Variants in RARB observed in about 807,000 individuals in gnomAD.
RARB encodes HBV-activated protein.
RARB carries 17 observed loss-of-function variants against 51.9 expected under a neutral mutation model. That is an observed-to-expected ratio of 0.33 (90% confidence interval 0.22 to 0.49). The LOEUF is 0.49. Among genes scored for constraint, RARB ranks in the 20% least tolerant of loss-of-function variants. The pLI is 0.99. For missense variants in RARB, 369 were observed against 550.8 expected, an observed-to-expected ratio of 0.67 and a Z score of 3.30; for synonymous variants, 215 against 195.4, an observed-to-expected ratio of 1.10 and a Z score of -0.84.
intron 3 of RARB, among the ~76,000 whole-genome samples, chr3:25,560,919 G>A (rs1700243676): frequency 1.3e-5 from 2 of 152,144 alleles, no homozygotes; most frequent in South Asian, 4.1e-4. Context: ...TAAACAAATT[G>A]GTATAGGGCT....
intron 1 of RARB, among the ~76,000 whole-genome samples, chr3:24,838,103 G>A (rs1402515901): frequency 1.3e-5 from 2 of 152,124 alleles, no homozygotes; most frequent in Non-Finnish European, 2.9e-5. Context: ...CTATTTCCTT[G>A]CTGGCTGTCC....
chr3:24,872,304 T>G (rs1702962528), intron 2 of RARB, among the ~76,000 whole-genome samples: 1 of 152,182 alleles, frequency 6.6e-6, no homozygotes, highest in Admixed American at 6.5e-5. Context: ...TGCCTTTGTT[T>G]CAGCTCTTCT....
chr3:25,187,131 A>AT (rs1389306944), intron 5 of RARB, among the ~76,000 whole-genome samples: 1 of 152,064 alleles, frequency 6.6e-6, no homozygotes, highest in Non-Finnish European at 1.5e-5. Context: ...AACCTCTCAA[A>AT]TGAGGGTCTT....
chr3:25,265,647 A>T (rs770997231), intron 5 of RARB, among the ~76,000 whole-genome samples: 3 of 151,924 alleles, frequency 2.0e-5, no homozygotes, highest in Non-Finnish European at 4.4e-5. Flanking sequence ...TAATTTTTGT[A>T]TTTTTGTAGA....
intron 3 of RARB, among the ~76,000 whole-genome samples, chr3:25,090,852 C>T (rs926481434): frequency 4.6e-5 from 7 of 152,112 alleles, no homozygotes; most frequent in African/African-American, 1.7e-4. Context: ...CAAACTCACA[C>T]TCCATTTTTC....
chr3:24,958,134 C>G (rs1032876473), intron 2 of RARB, among the ~76,000 whole-genome samples: 77 of 152,048 alleles, frequency 5.1e-4, no homozygotes, highest in African/African-American at 1.7e-3. Context: ...AGCCCTAGAT[C>G]AGCAGCTTTT....
chr3:25,461,174 T>C lies in RARB; in HGVS notation c.158-19T>C, dbSNP rs1695158512. 1.3e-6 allele frequency: 2 copies of C among 1,555,360 alleles called. No individual in the cohort carries two copies. Among genetic ancestry groups the C allele is most frequent in the African/African-American group, 2.8e-5 (2 of 72,352 alleles). ...ATACATTTTCTCTTTTTTCTCCCTC[T>C]ACCCCATCTCTATTATAGCAATTGA... On this transcript the variant is annotated intron_variant, in intron 1 of 7. Transcript: ENST00000330688.
At chr3:24,904,348 A>G (rs950126622) in intron 2 of RARB, among the ~76,000 whole-genome samples, 2 of 152,196 alleles carry the variant, frequency 1.3e-5, no homozygotes, top group African/African-American at 4.8e-5. Flanking sequence ...AAAAGTAGCC[A>G]AAGGATATGA....
chr3:25,272,228 C>G (rs548894131), intron 5 of RARB, among the ~76,000 whole-genome samples: 12 of 152,298 alleles, frequency 7.9e-5, no homozygotes, highest in Middle Eastern at 3.4e-3. Context: ...CGGTTGTGTA[C>G]TGTGCTGGCC....
chr3:25,471,805 C>T (rs1169258041), intron 2 of RARB, among the ~76,000 whole-genome samples: 2 of 152,160 alleles, frequency 1.3e-5, no homozygotes, highest in East Asian at 3.8e-4. Context: ...CAATTATCCT[C>T]TTTGTTTCTC....
chr3:25,547,532 T>C (rs564180326), intron 3 of RARB, among the ~76,000 whole-genome samples: 46 of 152,314 alleles, frequency 3.0e-4, no homozygotes, highest in African/African-American at 1.1e-3. Context: ...TGGGCGGTCA[T>C]TGCTTTTCTG....
chr3:25,004,485 C>A (rs541687972), intron 2 of RARB, among the ~76,000 whole-genome samples: 2 of 152,216 alleles, frequency 1.3e-5, no homozygotes, highest in East Asian at 3.9e-4. Flanking sequence ...ACAGCAAGGG[C>A]TGAACTTGCC....
At chr3:25,086,685 C>G (rs1699111397) in intron 3 of RARB, among the ~76,000 whole-genome samples, 1 of 151,948 alleles carries the variant, frequency 6.6e-6, no homozygotes, top group Admixed American at 6.6e-5. Context: ...GGTGGGACAA[C>G]TCAGGGTTGG....
Position 25,332,213 on chromosome 3 carries a change from A to T in RARB, c.179-128980A>T, listed in dbSNP as rs550137324. 3.3e-5 allele frequency among the ~76,000 whole-genome samples: 5 copies of T among 152,278 alleles called. No homozygotes were observed. The South Asian group carries it at 1.0e-3, about 32-fold the overall frequency. ...ATCCTGATACCAAAGCATGGCAGAG[A>T]CACAACAAAAAAAGAGAATTGTAGA... On this transcript the variant is annotated intron_variant, in intron 5 of 11. Coordinates refer to the RARB transcript ENST00000383772.
chr3:24,908,967 T>C (rs1694932053), intron 2 of RARB, among the ~76,000 whole-genome samples: 1 of 152,190 alleles, frequency 6.6e-6, no homozygotes, highest in African/African-American at 2.4e-5. Flanking sequence ...GATATGTCAA[T>C]TTGCTGAAGA....
At chr3:24,835,067 CAA>C (rs927310528) in intron 1 of RARB, among the ~76,000 whole-genome samples, 4 of 152,072 alleles carry the variant, frequency 2.6e-5, no homozygotes, top group African/African-American at 9.7e-5. Flanking sequence ...CTTATATAAG[CAA>C]AAACAAACAA....
chr3:24,872,888 G>A (rs1037169733), intron 2 of RARB, among the ~76,000 whole-genome samples: 9 of 152,024 alleles, frequency 5.9e-5, no homozygotes, highest in Non-Finnish European at 8.8e-5. Context: ...TCATCCCTGC[G>A]CGTTGACTCT....
intron 2 of RARB, among the ~76,000 whole-genome samples, chr3:24,996,500 T>A (rs1456543606): frequency 6.6e-6 from 1 of 152,110 alleles, no homozygotes; most frequent in Non-Finnish European, 1.5e-5. Flanking sequence ...AATTTTGAGT[T>A]TTGCTTATCC....
At chr3:25,508,993 T>C (rs1697751385) in intron 3 of RARB, among the ~76,000 whole-genome samples, 1 of 152,136 alleles carries the variant, frequency 6.6e-6, no homozygotes, top group African/African-American at 2.4e-5. Context: ...AAAGGAAGTA[T>C]TAAAATTCCT....
Sources: gnomAD v4.1 joint callset for allele counts (sites outside exome capture counted in the v4.1 genomes callset) on GRCh38, gnomAD v4.1.1 for gene constraint, MANE v1.5 for transcripts, NCBI Gene and HGNC (gene_info 2026-07-23, HGNC 2026-07-21) for gene names.